NUMB: variants seen among roughly 807,000 people sequenced by gnomAD.
The protein encoded by NUMB is protein numb homolog.
NUMB carries 29 observed loss-of-function variants against 59.7 expected under a neutral mutation model. The observed-to-expected ratio is 0.49, with a 90% CI of 0.36 to 0.66. The LOEUF (loss-of-function observed/expected upper bound fraction) is 0.66, where lower values mean the gene tolerates loss of function less well. Among genes scored for constraint, NUMB ranks in the 30% least tolerant of loss-of-function variants. The probability of loss-of-function intolerance (pLI) is 0.00; values close to 1 mark genes in which losing one functional copy is unlikely to be tolerated. For missense variants in NUMB, 723 were observed against 822.0 expected (o/e 0.88, Z 1.47); for synonymous variants, 288 against 288.2 (o/e 1.00, Z 0.01).
chr14:73,436,040 T>C (rs1898040983), intron 1 of NUMB, among the ~76,000 whole-genome samples: 1 of 151,456 alleles, frequency 6.6e-6, no homozygotes, highest in South Asian at 2.1e-4. Flanking sequence ...CAAATATCAA[T>C]AGAAGAATGG....
intron 12 of NUMB, among the ~76,000 whole-genome samples, chr14:73,277,711 A>G (rs34078112): frequency 0.064 from 9,728 of 151,490 alleles, 773 homozygotes; most frequent in African/African-American, 0.18. Flanking sequence ...GCAGTGAGCT[A>G]TGACTGTGCC....
chr14:73,386,034 A>G (rs1895505881), intron 2 of NUMB, among the ~76,000 whole-genome samples: 1 of 152,186 alleles, frequency 6.6e-6, no homozygotes. Flanking sequence ...TATTACCATG[A>G]AAGTCCTAGG....
chr14:73,383,921 G>A (rs1180468919), intron 2 of NUMB, among the ~76,000 whole-genome samples: 1 of 152,016 alleles, frequency 6.6e-6, no homozygotes, highest in Non-Finnish European at 1.5e-5. Flanking sequence ...AGGGGCTGAG[G>A]CAGAGGAACC....
At chr14:73,278,068 AC>A (rs1410943363) in intron 12 of NUMB, among the ~76,000 whole-genome samples, 52 of 150,718 alleles carry the variant, frequency 3.5e-4, no homozygotes, top group African/African-American at 1.2e-3. Context: ...AAAAAAAAAA[AC>A]ACCTAGCTTG....
chr14:73,301,998 G>C (rs1025427590), intron 6 of NUMB, among the ~76,000 whole-genome samples: 1 of 152,072 alleles, frequency 6.6e-6, no homozygotes, highest in African/African-American at 2.4e-5. Context: ...CAGGAGAATT[G>C]CTTGAACCTG....
At chr14:73,312,938 T>C (rs1890856421) in intron 6 of NUMB, among the ~76,000 whole-genome samples, 1 of 152,030 alleles carries the variant, frequency 6.6e-6, no homozygotes, top group South Asian at 2.1e-4. Context: ...GATGCTACGG[T>C]GCTGCTCAGT....
intron 2 of NUMB, among the ~76,000 whole-genome samples, chr14:73,371,416 T>C (rs529183266): frequency 1.4e-3 from 210 of 151,786 alleles, no homozygotes; most frequent in Non-Finnish European, 2.6e-3. Flanking sequence ...ATGCCTGCAA[T>C]CCCAGCTACT....
At chr14:73,327,090 T>G (rs1891701577) in intron 4 of NUMB, among the ~76,000 whole-genome samples, 1 of 152,178 alleles carries the variant, frequency 6.6e-6, no homozygotes, top group Non-Finnish European at 1.5e-5. Flanking sequence ...TTCCTACAAT[T>G]TTTAAAAATA....
chr14:73,328,034 G>A (rs1566744681), intron 4 of NUMB, among the ~76,000 whole-genome samples: 1 of 152,168 alleles, frequency 6.6e-6, no homozygotes, highest in African/African-American at 2.4e-5. Context: ...CAGCACTTTG[G>A]GAGGTGGAGG....
rs572754359 is a variant in NUMB, at chr14:73,303,604, C to CA, written c.235-6320dup. On this transcript the variant is annotated intron_variant, in intron 6 of 12. Transcript: ENST00000555238. ...ATCTCAAAAACAAAACAAAACAAAA[C>CA]AAAAAAAAAACATGCTTCAGGAACT... 7.8e-3 allele frequency among the ~76,000 whole-genome samples: 1,145 copies of CA among 146,120 alleles called. 5 individuals carry two copies. Among genetic ancestry groups the CA allele is most frequent in the South Asian group, 0.032 (148 of 4,634 alleles).
intron 1 of NUMB, among the ~76,000 whole-genome samples, chr14:73,421,433 C>T (rs921017946): frequency 2.0e-5 from 3 of 152,158 alleles, no homozygotes; most frequent in Non-Finnish European, 2.9e-5. Flanking sequence ...CCTGCCTCAG[C>T]CTCCCAAAGT....
chr14:73,421,767 T>C (rs912825848), intron 1 of NUMB, among the ~76,000 whole-genome samples: 5 of 152,170 alleles, frequency 3.3e-5, no homozygotes, highest in African/African-American at 1.2e-4. Context: ...GTTACATTCC[T>C]GGAAAATTCG....
At chr14:73,408,244 G>GA (rs1310974930) in intron 2 of NUMB, among the ~76,000 whole-genome samples, 12 of 51,598 alleles carry the variant, frequency 2.3e-4, no homozygotes, top group African/African-American at 1.6e-3. Flanking sequence ...AAAAAGGAAA[G>GA]AAAAAACGTT....
intron 6 of NUMB, among the ~76,000 whole-genome samples, chr14:73,307,576 AG>A (rs2139876210): frequency 6.6e-6 from 1 of 152,100 alleles, no homozygotes; most frequent in East Asian, 1.9e-4. Context: ...GAACAGAGGG[AG>A]CAAGAGGAAG....
chr14:73,323,053 TA>T, intron 5 of NUMB, 76 bp downstream of exon 5: 1 of 1,138,134 alleles, frequency 8.8e-7, no homozygotes. Flanking sequence ...ACTGGGTCAC[TA>T]AAATGTACTG....
In NUMB at chr14:73,276,311, G is replaced by C; in HGVS notation, c.*267C>G. ...TTTGCCTCTCTGTTGCCAGAGATTT[G>C]TAAGGGGGTAAGGGAAGAGGGAGTA... is the stretch of plus-strand genomic sequence containing the variant. On this transcript the variant is annotated 3_prime_UTR_variant, in exon 13 of 13. Transcript: ENST00000555238. 2.7e-6 allele frequency: 1 copy of C among 367,418 alleles called. No individual in the cohort carries two copies. The highest frequency in any genetic ancestry group is 4.2e-5 in the Admixed American group (1 of 23,746). 22.8% of individuals were successfully genotyped at this position (367,418 alleles called of 1,614,324 possible).
At chr14:73,285,474 T>C (rs548269454) in intron 9 of NUMB, 1 of 152,010 alleles carries the variant, frequency 6.6e-6, no homozygotes, top group Non-Finnish European at 1.5e-5. Context: ...GCATGATTTT[T>C]CCCCCCTTTG....
intron 3 of NUMB, among the ~76,000 whole-genome samples, chr14:73,357,410 A>G (rs1008506279): frequency 6.6e-6 from 1 of 150,912 alleles, no homozygotes; most frequent in African/African-American, 2.4e-5. Context: ...CAAAAAAAAA[A>G]AAAGAAAGAA....
intron 2 of NUMB, among the ~76,000 whole-genome samples, chr14:73,403,688 G>T (rs1896521612): frequency 6.6e-6 from 1 of 152,166 alleles, no homozygotes; most frequent in Non-Finnish European, 1.5e-5. Flanking sequence ...GGGCATGGTG[G>T]CTCACGCCTG....
Sources: gnomAD v4.1 joint callset for allele counts (sites outside exome capture counted in the v4.1 genomes callset) on GRCh38, gnomAD v4.1.1 for gene constraint, MANE v1.5 for transcripts, NCBI Gene and HGNC (gene_info 2026-07-23, HGNC 2026-07-21) for gene names.